Variants in PSD2 observed in about 807,000 individuals in gnomAD.
PSD2 encodes the protein pleckstrin and Sec7 domain containing 2.
Under a neutral mutation model 69.8 loss-of-function variants are expected in PSD2, and 38 were observed. The ratio of observed to expected loss-of-function variants is 0.54; its 90% CI spans 0.42 to 0.71. PSD2 has a LOEUF of 0.71. PSD2 is among the 30% of genes least tolerant of loss of function. The probability of loss-of-function intolerance (pLI) is 0.00; values close to 1 mark genes in which losing one functional copy is unlikely to be tolerated. For missense variants in PSD2, 943 were observed against 1,014.5 expected (o/e 0.93, Z 0.96); for synonymous variants, 412 against 423.0 (o/e 0.97, Z 0.32).
upstream of PSD2, among the ~76,000 whole-genome samples, chr5:139,795,100 G>C (rs1180739941): frequency 6.6e-6 from 1 of 152,092 alleles, no homozygotes; most frequent in African/African-American, 2.4e-5. This position sits in a 1 kb window ranked among gnomAD's most constrained non-coding sequence, Gnocchi z 4.5. Flanking sequence ...GTGGATTCTT[G>C]GTTGGACCCA....
rs765099333 is a variant in PSD2 at position 139,813,332 on chromosome 5, A to C, written c.395A>C (p.Asp132Ala). ...AGGTTGGATGGTCCCGGGGAGCCAGATGTGCGGGATGGCTTCAGCGCCACG... is the reference window on the plus strand; with the variant it reads ...AGGTTGGATGGTCCCGGGGAGCCAGCTGTGCGGGATGGCTTCAGCGCCACG... Reference protein sequence around the residue: ...QLGLDGPGEPDVRDGFSATFE... With the variant: ...QLGLDGPGEPAVRDGFSATFE... The change falls in exon 3 of 15, where the codon GAT becomes GCT. Residue 132 changes from aspartate (D) to alanine (A), a missense_variant. By Grantham distance (126) the Asp-to-Ala change is moderately radical. This residue lies in a region of PSD2 where 466 missense variants were observed against 445.0 expected (regional missense o/e 1.05). Transcript: ENST00000274710. 32 of 1,562,210 alleles carry C rather than the reference A, an allele frequency of 2.0e-5. No homozygotes were observed. Among genetic ancestry groups the C allele is most frequent in the Non-Finnish European group, 2.8e-5 (32 of 1,148,202 alleles).
chr5:139,750,972 C>T, the PSD2 span, among the ~76,000 whole-genome samples: 1 of 152,184 alleles, frequency 6.6e-6, no homozygotes, highest in African/African-American at 2.4e-5. Flanking sequence ...AAGCCCAGGG[C>T]TCCAAATTGG....
chr5:139,822,898 G>A (rs754244124), intron 7 of PSD2, 114 bp downstream of exon 7: 68 of 877,102 alleles, frequency 7.8e-5, no homozygotes, highest in African/African-American at 1.1e-4. Context: ...TTTTTGAAGC[G>A]GTGGGGGTTG....
chr5:139,813,535 A>G lies in PSD2; in HGVS notation c.598A>G (p.Ile200Val). The change falls in exon 3 of 15, where the codon ATT becomes GTT. Residue 200 changes from isoleucine to valine, a missense_variant. Coordinates refer to ENST00000274710, the MANE Select transcript of PSD2 (RefSeq NM_032289.4). The part of the protein sequence containing the change: ...DSPEPGAGLG[I>V]GDMAFEGDMG... The stretch of plus-strand genomic sequence containing the variant: ...CCCTGAGCCAGGGGCTGGGTTGGGC[A>G]TTGGGGACATGGCGTTTGAGGGGGA... 1 of 1,610,202 alleles carries G rather than the reference A, an allele frequency of 6.2e-7. No individual in the cohort carries two copies. Among genetic ancestry groups the G allele is most frequent in the Non-Finnish European group, 8.5e-7 (1 of 1,176,842 alleles).
upstream of PSD2, among the ~76,000 whole-genome samples, chr5:139,793,542 A>C (rs543854429): frequency 2.1e-4 from 32 of 152,338 alleles, no homozygotes; most frequent in Non-Finnish European, 3.7e-4. Context: ...GGGCAGATCC[A>C]GGGGGCAGAG....
At chr5:139,793,109 T>C (rs1759448589), upstream of PSD2, among the ~76,000 whole-genome samples, 1 of 151,884 alleles carries the variant, frequency 6.6e-6, no homozygotes, top group African/African-American at 2.4e-5. Flanking sequence ...ACCCGGCTAA[T>C]TTTTGTATTT....
chr5:139,809,889 T>C, intron 2 of PSD2, 78 bp downstream of exon 2: 1 of 1,469,854 alleles, frequency 6.8e-7, no homozygotes, highest in Admixed American at 2.1e-5. Flanking sequence ...AGCCACTTAG[T>C]TTCTCCGGTT....
At chr5:139,784,598 C>T in the PSD2 span, among the ~76,000 whole-genome samples, 1 of 152,160 alleles carries the variant, frequency 6.6e-6, no homozygotes, top group South Asian at 2.1e-4. Flanking sequence ...ATCATCTGGC[C>T]CCTGCTGCCT....
intron 9 of PSD2, among the ~76,000 whole-genome samples, 196 bp from the exon 10 acceptor site, chr5:139,836,615 G>A (rs548009999): frequency 6.6e-6 from 1 of 152,312 alleles, no homozygotes; most frequent in East Asian, 1.9e-4. Flanking sequence ...GAGGTCAGAG[G>A]TCAGAAGTGG....
chr5:139,806,908 C>T (rs959515987), intron 1 of PSD2, among the ~76,000 whole-genome samples: 1 of 152,202 alleles, frequency 6.6e-6, no homozygotes, highest in African/African-American at 2.4e-5. Flanking sequence ...TGTCTGCCCA[C>T]CCCCAGAAAC....
At chr5:139,842,050 T>G (rs1387937986) in intron 14 of PSD2, among the ~76,000 whole-genome samples, 3 of 152,356 alleles carry the variant, frequency 2.0e-5, no homozygotes, top group Non-Finnish European at 4.4e-5. Context: ...GTTTTTGGTG[T>G]CATATACAAG....
chr5:139,778,399 G>A, the PSD2 span, among the ~76,000 whole-genome samples: 6 of 152,308 alleles, frequency 3.9e-5, no homozygotes, highest in South Asian at 1.0e-3. Flanking sequence ...CAGAGGCTCT[G>A]CTTCCTCCTT....
chr5:139,833,082 G>C (rs1399220054), intron 7 of PSD2, among the ~76,000 whole-genome samples: 1 of 152,126 alleles, frequency 6.6e-6, no homozygotes. Flanking sequence ...GTCTTGGAAG[G>C]CTTGCTGCCC....
At chr5:139,765,105 C>A in the PSD2 span, among the ~76,000 whole-genome samples, 1 of 152,002 alleles carries the variant, frequency 6.6e-6, no homozygotes, top group African/African-American at 2.4e-5. Context: ...TGTGCCATAT[C>A]CCCAGACCCA....
Position 139,840,134 on chromosome 5 carries a change from G to C in PSD2, c.2076G>C (p.Glu692Asp), listed in dbSNP as rs778606907. The change falls in exon 14 of 15, where the codon GAG becomes GAC. Residue 692 changes from glutamate (E) to aspartate (D), a missense_variant. Transcript: ENST00000274710. ...VERGIKSKEA[E>D]EYRLKEHYLT... Reference sequence around the variant, plus strand: ...GGGGCATCAAGTCCAAGGAGGCCGAGGAGTACCGGTTGAAGGAGCACTATC... The same window carrying C: ...GGGGCATCAAGTCCAAGGAGGCCGACGAGTACCGGTTGAAGGAGCACTATC... 78 of 1,614,096 alleles carry C rather than the reference G, an allele frequency of 4.8e-5. No individual in the cohort carries two copies. In the South Asian group the frequency reaches 8.5e-4, roughly 17 times the overall value.
Position 139,837,507 on chromosome 5 carries a change from T to A in PSD2, c.1666-118T>A. 1 of 1,115,266 alleles carries A rather than the reference T, an allele frequency of 9.0e-7. No individual in the cohort carries two copies. Among genetic ancestry groups the A allele is most frequent in the Non-Finnish European group, 1.3e-6 (1 of 780,764 alleles). 69.1% of individuals were successfully genotyped at this position (1,115,266 alleles called of 1,614,324 possible). On this transcript the variant is annotated intron_variant, in intron 11 of 14. Transcript: ENST00000274710. The surrounding 1 kb of genome is among the most constrained non-coding windows in gnomAD (Gnocchi z 5.0). ...GTACCTGGATTCTTGTTGGGGTGGG[T>A]GAGGCAGCAGGAACAGAAAATTAAG...
chr5:139,810,191 A>G (rs940757497), intron 2 of PSD2, among the ~76,000 whole-genome samples: 1 of 152,068 alleles, frequency 6.6e-6, no homozygotes, highest in East Asian at 1.9e-4. Context: ...AAATCCTTCA[A>G]CTGACTCCAG....
Position 139,821,962 on chromosome 5 carries a change from C to T in PSD2, c.1167C>T (p.Ser389=), listed in dbSNP as rs1473054704. Residue 389 remains serine (S), a synonymous_variant, in exon 6 of 15, where the codon TCC becomes TCT. Coordinates refer to ENST00000274710, the MANE Select transcript of PSD2 (RefSeq NM_032289.4). ...GTGAGCGGGTCCTCACACACTTCTC[C>T]CGCCGGTACTGCCAGTGCAACCCTG... The part of the protein sequence containing the change: ...QERERVLTHF[S]RRYCQCNPDD... 3.1e-6 allele frequency: 5 copies of T among 1,610,378 alleles called. No individual in the cohort carries two copies. The highest frequency in any genetic ancestry group is 3.4e-6 in the Non-Finnish European group (4 of 1,178,098).
chr5:139,791,467 A>T (rs1245490548), upstream of PSD2, among the ~76,000 whole-genome samples: 2 of 152,102 alleles, frequency 1.3e-5, no homozygotes, highest in Non-Finnish European at 2.9e-5. Context: ...AAACAAAAAG[A>T]AACCCACTCA....
Sources: allele counts gnomAD v4.1 joint callset (sites outside exome capture counted in the v4.1 genomes callset), GRCh38; gene constraint gnomAD v4.1.1; regional missense constraint gnomAD v4.1.1; non-coding constraint Gnocchi (gnomAD v3.1); transcripts MANE v1.5; gene names NCBI Gene and HGNC (gene_info 2026-07-23, HGNC 2026-07-21).